MYT1: variants seen among roughly 807,000 people sequenced by gnomAD.
The protein encoded by MYT1 is myelin transcription factor 1, also known as myelin transcription factor I.
MYT1 carries 23 observed loss-of-function variants against 123.0 expected under a neutral mutation model. That is an observed-to-expected ratio of 0.19 (90% CI 0.13 to 0.26). The LOEUF (loss-of-function observed/expected upper bound fraction) is 0.26. Ranked by LOEUF, MYT1 falls within the 10% of genes least tolerant of loss-of-function variation. The probability of loss-of-function intolerance (pLI) is 1.00; values close to 1 mark genes in which losing one functional copy is unlikely to be tolerated. For missense variants in MYT1, 1,125 were observed against 1,472.5 expected (o/e 0.76, Z 3.86); for synonymous variants, 518 against 575.3 (o/e 0.90, Z 1.43).
chr20:64,177,421 T>A (rs1326804848), intron 1 of MYT1, among the ~76,000 whole-genome samples: 1 of 151,840 alleles, frequency 6.6e-6, no homozygotes, highest in Non-Finnish European at 1.5e-5. Context: ...CTTGCCCTCA[T>A]TTTCCCCTCG....
At position 64,218,157 on chromosome 20, in the gene MYT1, C is replaced by T. The variant is rs545653938; in HGVS notation, c.1847-754C>T. 1.3e-5 allele frequency among the ~76,000 whole-genome samples: 2 copies of T among 152,326 alleles called. No individual in the cohort carries two copies. The highest frequency in any genetic ancestry group is 3.9e-4 in the East Asian group (2 of 5,184). ...CTTTAGGATGGAGGACTTCCTGCCT[C>T]CAGGCACACATGCCTACTTGGATGA... is the stretch of plus-strand genomic sequence containing the variant. On this transcript the variant is annotated intron_variant, in intron 11 of 22. Coordinates refer to ENST00000328439, the MANE Select transcript of MYT1 (RefSeq NM_004535.3). This position sits in a 1 kb window ranked among gnomAD's most constrained non-coding sequence, Gnocchi z 4.0.
rs1013524167 is a variant in MYT1 at position 64,202,793 on chromosome 20, C to A, written c.87-2242C>A. Among the ~76,000 whole-genome samples the A allele has an allele frequency of 1.3e-5, 2 of 152,170 alleles. No homozygotes were observed. Among genetic ancestry groups the A allele is most frequent in the African/African-American group, 4.8e-5 (2 of 41,442 alleles). On this transcript the variant is annotated intron_variant, in intron 4 of 22. Transcript: ENST00000328439. This position sits in a 1 kb window ranked among gnomAD's most constrained non-coding sequence, Gnocchi z 5.0. ...ACCCTCTTCCCAGCCTCACGTGCAT[C>A]CTTTCCTCACATCTCTGACACCAGC...
Position 64,196,883 on chromosome 20 carries a change from CAATA to C in MYT1, c.1-1960_1-1957del, listed in dbSNP as rs959147215. On this transcript the variant is annotated intron_variant, in intron 2 of 22. Transcript: ENST00000328439. This position sits in a 1 kb window ranked among gnomAD's most constrained non-coding sequence, Gnocchi z 4.3. ...TTGCCAATATCCTTGGGAAAACTGGCAATAAATAAATAAATAAATAAAGCCGTAG... is the reference window on the plus strand; with the variant it reads ...TTGCCAATATCCTTGGGAAAACTGGCAATAAATAAATAAATAAAGCCGTAG... 5.3e-5 allele frequency among the ~76,000 whole-genome samples: 8 copies of C among 152,018 alleles called. No individual in the cohort carries two copies. Among genetic ancestry groups the C allele is most frequent in the Admixed American group, 2.0e-4 (3 of 15,250 alleles).
intron 1 of MYT1, among the ~76,000 whole-genome samples, chr20:64,170,917 A>AGAGAGAGAGG (rs1982254735): frequency 2.9e-5 from 4 of 135,674 alleles, no homozygotes; most frequent in Non-Finnish European, 6.3e-5. Flanking sequence ...AGAGAGAGAG[A>AGAGAGAGAGG]GAGAGAGAGA....
Position 64,239,897 on chromosome 20 carries a change from G to C in MYT1, c.3231G>C (p.Pro1077=). The C allele has an allele frequency of 3.1e-6, 5 of 1,612,552 alleles. No individual in the cohort carries two copies. The highest frequency in any genetic ancestry group is 4.2e-6 in the Non-Finnish European group (5 of 1,179,996). The change falls in exon 22 of 23, where the codon CCG becomes CCC. Residue 1077 remains proline, a synonymous_variant. Coordinates refer to ENST00000328439, the MANE Select transcript of MYT1 (RefSeq NM_004535.3). ...LIQSLANIRL[P]HMEPICEQNF... is the part of the protein sequence containing the mutation. ...AAAGTCTCGCCAATATCCGCCTTCC[G>C]CACATGGTAGGCAGCACGCGGGCCT...
chr20:64,219,551 G>T (rs1772715353), intron 12 of MYT1, among the ~76,000 whole-genome samples, 162 bp from the exon 13 acceptor site: 1 of 152,172 alleles, frequency 6.6e-6, no homozygotes, highest in South Asian at 2.1e-4. Context: ...ATCAGGAAAT[G>T]GCAGCTGGAT....
At chr20:64,205,344 G>T (rs1426477271) in intron 5 of MYT1, among the ~76,000 whole-genome samples, 1 of 151,860 alleles carries the variant, frequency 6.6e-6, no homozygotes, top group African/African-American at 2.4e-5. Flanking sequence ...ATGGAGGTCC[G>T]TGTGGCCATG....
Position 64,205,634 on chromosome 20 carries a change from C to T in MYT1, c.231C>T (p.His77=), listed in dbSNP as rs781007636. 2.5e-5 allele frequency: 41 copies of T among 1,614,084 alleles called. No homozygotes were observed. The highest frequency in any genetic ancestry group is 2.4e-5 in the Non-Finnish European group (28 of 1,180,034). Residue 77 remains histidine, a synonymous_variant, in exon 6 of 23, where the codon CAC becomes CAT. Coordinates refer to ENST00000328439, the MANE Select transcript of MYT1 (RefSeq NM_004535.3). Reference sequence around the variant, plus strand: ...ACCTGGTGTCCAAGAGGAAGTCACACCCCCTGAAGCTGGCTCTGGACGAGG... The same window carrying T: ...ACCTGGTGTCCAAGAGGAAGTCACATCCCCTGAAGCTGGCTCTGGACGAGG... ...AEHLVSKRKS[H]PLKLALDEGY...
intron 2 of MYT1, among the ~76,000 whole-genome samples, chr20:64,195,919 T>C (rs1406596572): frequency 2.0e-5 from 3 of 152,320 alleles, no homozygotes; most frequent in East Asian, 1.9e-4. Context: ...ACAGTTTTCA[T>C]GGTTTTCCTA....
At chr20:64,210,025 C>T (rs904260877) in intron 7 of MYT1, among the ~76,000 whole-genome samples, 6 of 152,014 alleles carry the variant, frequency 3.9e-5, no homozygotes, top group African/African-American at 9.7e-5. Context: ...GTCAAGGGCC[C>T]GGGGTGGTTA....
intron 2 of MYT1, among the ~76,000 whole-genome samples, chr20:64,195,021 A>G (rs961171909): frequency 6.6e-6 from 1 of 151,870 alleles, no homozygotes; most frequent in Non-Finnish European, 1.5e-5. Context: ...TCAGCCTCCC[A>G]GGTAGCTGGG....
At chr20:64,229,797 C>T (rs1984270157) in intron 18 of MYT1, among the ~76,000 whole-genome samples, 1 of 152,194 alleles carries the variant, frequency 6.6e-6, no homozygotes, top group Non-Finnish European at 1.5e-5. Context: ...ACATCAGGCG[C>T]TTGGTGGTAA....
intron 10 of MYT1, among the ~76,000 whole-genome samples, chr20:64,215,769 T>C (rs1256986230): frequency 6.6e-6 from 1 of 151,682 alleles, no homozygotes; most frequent in African/African-American, 2.4e-5. Context: ...GTTTTTTTTT[T>C]TTTCTTTTTT....
At position 64,212,002 on chromosome 20, in the gene MYT1, G is replaced by A; in HGVS notation, c.1427-46G>A. ...CTCCCCACACAGCTGGCGCTCCCCA[G>A]ATTCTCTGACAGCCTCGGCTCCCTC... is the stretch of plus-strand genomic sequence containing the variant. On this transcript the variant is annotated intron_variant, in intron 8 of 22. Coordinates refer to ENST00000328439, the MANE Select transcript of MYT1 (RefSeq NM_004535.3). The surrounding 1 kb of genome is among the most constrained non-coding windows in gnomAD (Gnocchi z 6.8). The A allele has an allele frequency of 6.5e-7, 1 of 1,544,430 alleles. No homozygotes were observed. Among genetic ancestry groups the A allele is most frequent in the Non-Finnish European group, 8.9e-7 (1 of 1,118,760 alleles).
chr20:64,179,124 G>A (rs1394180669), intron 1 of MYT1, among the ~76,000 whole-genome samples: 2 of 150,128 alleles, frequency 1.3e-5, no homozygotes, highest in Admixed American at 6.6e-5. Context: ...CAAGGTGGGA[G>A]CACTGAGCTG....
chr20:64,203,418 G>C lies in MYT1; in HGVS notation c.87-1617G>C, dbSNP rs1983382265. Among the ~76,000 whole-genome samples, 1 of 152,226 alleles carries C rather than the reference G, an allele frequency of 6.6e-6. No individual in the cohort carries two copies. Among genetic ancestry groups the C allele is most frequent in the Non-Finnish European group, 1.5e-5 (1 of 68,034 alleles). ...TGGATTTTAGAAGAGACTAGAGGCA[G>C]GGAGAGGTGGGTGGCAGCGGCGGCA... On this transcript the variant is annotated intron_variant, in intron 4 of 22. Coordinates refer to ENST00000328439, the MANE Select transcript of MYT1 (RefSeq NM_004535.3). This position sits in a 1 kb window ranked among gnomAD's most constrained non-coding sequence, Gnocchi z 5.1.
Position 64,239,819 on chromosome 20 carries a change from G to A in MYT1, c.3153G>A (p.Glu1051=), listed in dbSNP as rs759901213. 2 of 1,613,864 alleles carry A rather than the reference G, an allele frequency of 1.2e-6. No individual in the cohort carries two copies. The highest frequency in any genetic ancestry group is 1.7e-6 in the Non-Finnish European group (2 of 1,180,040). The change falls in exon 22 of 23, where the codon GAG becomes GAA. Residue 1051 remains glutamate, a synonymous_variant. Transcript: ENST00000328439. Reference sequence around the variant, plus strand: ...AGGAGGAGAACAAGCTCATTGAGGAGCAGAATGAAGCCCTGTTTCTGGAGC... The same window carrying A: ...AGGAGGAGAACAAGCTCATTGAGGAACAGAATGAAGCCCTGTTTCTGGAGC... The part of the protein sequence containing the change: ...NIEEENKLIE[E]QNEALFLELS...
chr20:64,238,583 A>T (rs1984620222), intron 21 of MYT1, among the ~76,000 whole-genome samples: 1 of 152,202 alleles, frequency 6.6e-6, no homozygotes, highest in Non-Finnish European at 1.5e-5. Flanking sequence ...GCATCCCCCC[A>T]GGTTCATAGG....
At chr20:64,209,041 G>A (rs572029431) in intron 7 of MYT1, among the ~76,000 whole-genome samples, 4 of 152,170 alleles carry the variant, frequency 2.6e-5, no homozygotes, top group African/African-American at 7.2e-5. Context: ...TCCCCTGATC[G>A]CACGGAGTGG....
Sources: allele counts gnomAD v4.1 joint callset (sites outside exome capture counted in the v4.1 genomes callset), GRCh38; gene constraint gnomAD v4.1.1; non-coding constraint Gnocchi (gnomAD v3.1); transcripts MANE v1.5; gene names NCBI Gene and HGNC (gene_info 2026-07-23, HGNC 2026-07-21).